DAB1: variants seen among roughly 807,000 people sequenced by gnomAD.
DAB1 encodes disabled homolog 1.
In DAB1, 15 loss-of-function variants were observed where a neutral mutation model predicts 64.6. That is an observed-to-expected ratio of 0.23 (90% confidence interval 0.16 to 0.36). The LOEUF is 0.36. DAB1 is among the 10% of genes least tolerant of loss of function. The pLI, the probability that DAB1 is intolerant of heterozygous loss-of-function variation, is 1.00. For missense variants in DAB1, 596 were observed against 706.7 expected (o/e 0.84, Z 1.78); for synonymous variants, 235 against 251.9 (o/e 0.93, Z 0.64).
At chr1:57,418,535 G>A (rs559050193) in intron 1 of DAB1, among the ~76,000 whole-genome samples, 5 of 152,298 alleles carry the variant, frequency 3.3e-5, no homozygotes, top group East Asian at 3.9e-4. Context: ...CAAGAGGGCC[G>A]ATTTGGGTTC....
intron 5 of DAB1, among the ~76,000 whole-genome samples, chr1:57,914,292 T>C (rs910702523): frequency 4.6e-5 from 7 of 152,076 alleles, no homozygotes; most frequent in African/African-American, 1.7e-4. Context: ...ATGTCCATTG[T>C]AGGGACATGG....
intron 2 of DAB1, among the ~76,000 whole-genome samples, chr1:57,271,713 G>A (rs985146129): frequency 6.6e-6 from 1 of 152,254 alleles, no homozygotes; most frequent in East Asian, 1.9e-4. Flanking sequence ...TGTTTGGCTG[G>A]GTCTAGGAAG....
At chr1:57,780,716 TTTTTC>T (rs1010596042) in intron 6 of DAB1, among the ~76,000 whole-genome samples, 2 of 151,986 alleles carry the variant, frequency 1.3e-5, no homozygotes, top group South Asian at 4.2e-4. Context: ...CTTCTTTCTT[TTTTTC>T]TTTTCTTTTC....
In DAB1 at chr1:57,481,277, T is replaced by TC. The variant is rs574985375; in HGVS notation, n.625+168314dup. Among the ~76,000 whole-genome samples, 26 of 152,260 alleles carry TC rather than the reference T, an allele frequency of 1.7e-4. No individual in the cohort carries two copies. In the East Asian group the frequency reaches 4.1e-3, roughly 24 times the overall value. ...TACCCACAACCTAGATTCTTCTCAA[T>TC]CTAATCCAATCCCTCCCCATTTCCG... On this transcript the variant is annotated intron_variant and non_coding_transcript_variant, in intron 7 of 20. Transcript: ENST00000485760.
intron 9 of DAB1, among the ~76,000 whole-genome samples, chr1:57,055,138 A>G (rs1649618897): frequency 6.6e-6 from 1 of 152,230 alleles, no homozygotes; most frequent in Non-Finnish European, 1.5e-5. Context: ...TGACATAAAA[A>G]TGTACCTATG....
chr1:57,300,021 C>T lies in DAB1; in HGVS notation c.-136-8855G>A, dbSNP rs575471154. Among the ~76,000 whole-genome samples the T allele has an allele frequency of 2.7e-3, 404 of 152,228 alleles. 4 individuals carry two copies. The highest frequency in any genetic ancestry group is 0.017 in the Middle Eastern group (5 of 294). On this transcript the variant is annotated intron_variant, in intron 1 of 14. Transcript: ENST00000371236. Reference sequence around the variant, plus strand: ...TTTTCTCTACCCTCTCATACAGCTGCGTGTCTGTCTCCCCGGCAGGCCTTA... The same window carrying T: ...TTTTCTCTACCCTCTCATACAGCTGTGTGTCTGTCTCCCCGGCAGGCCTTA...
At chr1:57,922,707 G>A (rs142729213) in intron 5 of DAB1, among the ~76,000 whole-genome samples, 11 of 151,714 alleles carry the variant, frequency 7.3e-5, no homozygotes, top group East Asian at 5.8e-4. Context: ...ATAGCTGGGC[G>A]TGCTGGCTGA....
chr1:57,167,115 TAA>T (rs1376917876), intron 2 of DAB1, among the ~76,000 whole-genome samples: 2 of 152,198 alleles, frequency 1.3e-5, no homozygotes, highest in Non-Finnish European at 2.9e-5. Context: ...GCTGGGAATA[TAA>T]GTCTCTCACC....
chr1:57,980,922 C>T lies in DAB1; in HGVS notation n.388-96760G>A, dbSNP rs1482712768. On this transcript the variant is annotated intron_variant and non_coding_transcript_variant, in intron 5 of 20. Transcript: ENST00000485760. The stretch of plus-strand genomic sequence containing the variant: ...ATATGTATATATATATACACACACA[C>T]ACACACACATAGATATAGATAGATA... Among the ~76,000 whole-genome samples, 5 of 151,820 alleles carry T rather than the reference C, an allele frequency of 3.3e-5. No individual in the cohort carries two copies. The East Asian group carries it at 9.6e-4, about 29-fold the overall frequency.
chr1:58,416,458 T>A (rs1644722254), intron 3 of DAB1, among the ~76,000 whole-genome samples: 1 of 152,188 alleles, frequency 6.6e-6, no homozygotes, highest in South Asian at 2.1e-4. Flanking sequence ...TGGGATGTGA[T>A]AAAGGTGTGG....
At chr1:57,164,075 T>C (rs1661009353) in intron 2 of DAB1, among the ~76,000 whole-genome samples, 1 of 152,114 alleles carries the variant, frequency 6.6e-6, no homozygotes, top group African/African-American at 2.4e-5. Context: ...TCATTTATCA[T>C]ATGGAAGAGA....
At chr1:58,443,254 C>G (rs1050943111) in intron 3 of DAB1, among the ~76,000 whole-genome samples, 3 of 152,240 alleles carry the variant, frequency 2.0e-5, no homozygotes, top group African/African-American at 7.2e-5. Flanking sequence ...CAGTCCACAA[C>G]TTGGTTTGAG....
intron 6 of DAB1, among the ~76,000 whole-genome samples, chr1:57,785,093 G>A (rs1382101831): frequency 6.6e-6 from 1 of 152,112 alleles, no homozygotes; most frequent in African/African-American, 2.4e-5. Context: ...TACTCTGCCT[G>A]TGCTCTAGAA....
chr1:58,545,023 C>T (rs1646678840), intron 1 of DAB1, among the ~76,000 whole-genome samples: 1 of 152,152 alleles, frequency 6.6e-6, no homozygotes, highest in Non-Finnish European at 1.5e-5. Context: ...TCATGAGCCA[C>T]CACGCCTGGA....
intron 4 of DAB1, among the ~76,000 whole-genome samples, chr1:58,318,047 G>A (rs986338464): frequency 2.0e-5 from 3 of 152,154 alleles, no homozygotes; most frequent in Non-Finnish European, 4.4e-5. Context: ...CAAGGTTAGG[G>A]ATCCTAGCTG....
intron 1 of DAB1, among the ~76,000 whole-genome samples, chr1:57,389,271 T>C (rs554856788): frequency 2.6e-5 from 4 of 152,274 alleles, no homozygotes; most frequent in Admixed American, 6.5e-5. Context: ...AAAAAGCAAA[T>C]TTGATCAATT....
chr1:58,298,003 C>T (rs2100457656), intron 4 of DAB1, among the ~76,000 whole-genome samples: 1 of 152,232 alleles, frequency 6.6e-6, no homozygotes, highest in Admixed American at 6.5e-5. Flanking sequence ...CCTAAAAGCG[C>T]TTTCAAGTAA....
At chr1:57,776,976 C>G (rs922947834) in intron 6 of DAB1, among the ~76,000 whole-genome samples, 2 of 151,556 alleles carry the variant, frequency 1.3e-5, no homozygotes, top group South Asian at 2.1e-4. Flanking sequence ...TCATTTAATG[C>G]TACTTGTATT....
chr1:57,510,810 G>A (rs11207045), intron 7 of DAB1, among the ~76,000 whole-genome samples: 28,239 of 151,820 alleles, frequency 0.19, 2,927 homozygotes, highest in Non-Finnish European at 0.24. Context: ...TCGGGGTCTC[G>A]CTCTGTCACC....
Sources: allele counts gnomAD v4.1 joint callset (sites outside exome capture counted in the v4.1 genomes callset), GRCh38; gene constraint gnomAD v4.1.1; transcripts MANE v1.5; gene names NCBI Gene and HGNC (gene_info 2026-07-23, HGNC 2026-07-21).